ACSF3: variants seen among roughly 807,000 people sequenced by gnomAD.
ACSF3 encodes acyl-CoA synthetase family member 3.
ACSF3 carries 78 observed loss-of-function variants against 53.2 expected under a neutral mutation model. The observed-to-expected ratio is 1.47, with a 90% CI of 1.22 to 1.77. The LOEUF is 1.77. Ranked by LOEUF, ACSF3 falls within the 40% of genes most tolerant of loss-of-function variation. The probability of loss-of-function intolerance (pLI) is 0.00; values close to 1 mark genes in which losing one functional copy is unlikely to be tolerated. For synonymous variants in ACSF3, 414 were observed against 333.1 expected, an observed-to-expected ratio of 1.24 and a Z score of -2.65; for missense variants, 937 against 771.1, an observed-to-expected ratio of 1.22 and a Z score of -2.55.
chr16:89,120,681 C>G (rs1428731623), intron 6 of ACSF3, 120 bp from the exon 7 acceptor site: 13 of 966,304 alleles, frequency 1.3e-5, no homozygotes, highest in South Asian at 2.6e-5. Flanking sequence ...GTCGCTCCCT[C>G]CACACAGACT....
rs138044073 is a variant in ACSF3 at position 89,151,290 on chromosome 16, G to C, written c.1614-2800G>C. The stretch of plus-strand genomic sequence containing the variant: ...GCAAAGCAAATAGCAGGCCCAAAAG[G>C]CTTCACTGATAAATTATCTCAAACA... On this transcript the variant is annotated intron_variant, in intron 10 of 10. Transcript: ENST00000614302. 310 of 429,560 alleles carry C rather than the reference G, an allele frequency of 7.2e-4. 2 individuals are homozygous for C. The highest frequency in any genetic ancestry group is 5.9e-3 in the African/African-American group (289 of 48,996). 26.6% of individuals were successfully genotyped at this position (429,560 alleles called of 1,614,324 possible).
At position 89,133,251 on chromosome 16, in the gene ACSF3, G is replaced by T. The variant is rs761825392; in HGVS notation, c.1355G>T (p.Trp452Leu). 6.2e-7 allele frequency: 1 copy of T among 1,614,078 alleles called. No homozygotes were observed. The highest frequency in any genetic ancestry group is 1.1e-5 in the South Asian group (1 of 91,086). The change falls in exon 8 of 11, where the codon TGG becomes TTG. Residue 452 changes from tryptophan to leucine, a missense_variant. Coordinates refer to ENST00000614302, the MANE Select transcript of ACSF3 (RefSeq NM_001243279.3). ...ETKSAFTLDG[W>L]FKTGDTVVFK... Reference sequence around the variant, plus strand: ...AAGAGTGCATTCACCCTGGATGGCTGGTTTAAGACAGGTAGGACCCAGCCC... The same window carrying T: ...AAGAGTGCATTCACCCTGGATGGCTTGTTTAAGACAGGTAGGACCCAGCCC...
chr16:89,155,265 C>A lies in ACSF3; in HGVS notation c.*1058C>A, dbSNP rs1008690353. The A allele has an allele frequency of 6.6e-6, 3 of 454,032 alleles. No individual in the cohort carries two copies. Among genetic ancestry groups the A allele is most frequent in the African/African-American group, 4.0e-5 (2 of 50,016 alleles). 28.1% of individuals were successfully genotyped at this position (454,032 alleles called of 1,614,324 possible). ...CCCAGCAGTGTCTGGCCTGAACTTA[C>A]CCAGAACATTCTGCCCCCGGAATGC... On this transcript the variant is annotated 3_prime_UTR_variant, in exon 11 of 11. Transcript: ENST00000614302.
chr16:89,102,607 A>T lies in ACSF3; in HGVS notation c.670A>T (p.Thr224Ser), dbSNP rs1018473735. Residue 224 changes from threonine (T) to serine (S), a missense_variant, in exon 4 of 11, where the codon ACC becomes TCC. Physicochemically the swap from Thr to Ser is moderately conservative, Grantham distance 58. Coordinates refer to ENST00000614302, the MANE Select transcript of ACSF3 (RefSeq NM_001243279.3). ...GCTGTGCTCTCGTCCCCTGCAGGTG[A>T]CCGGGCTGGTCCACAAGTGGGCATG... ...STHQNIRAVV[T>S]GLVHKWAWTK... is the part of the protein sequence containing the mutation. 6.2e-7 allele frequency: 1 copy of T among 1,613,550 alleles called. No individual in the cohort carries two copies. The highest frequency in any genetic ancestry group is 1.1e-5 in the South Asian group (1 of 91,074).
At chr16:89,119,099 C>T (rs112298980) in intron 6 of ACSF3, among the ~76,000 whole-genome samples, 5 of 151,420 alleles carry the variant, frequency 3.3e-5, no homozygotes, top group South Asian at 2.1e-4. Flanking sequence ...CCCTGAAGCT[C>T]TCACGGGCGG....
chr16:89,142,116 C>T (rs1273135258), intron 8 of ACSF3, among the ~76,000 whole-genome samples: 1 of 152,094 alleles, frequency 6.6e-6, no homozygotes, highest in South Asian at 2.1e-4. Flanking sequence ...CAGTGGAAAC[C>T]GTGCGTGCAG....
chr16:89,098,249 A>G (rs145749339), intron 1 of ACSF3, among the ~76,000 whole-genome samples: 129 of 152,364 alleles, frequency 8.5e-4, no homozygotes, highest in African/African-American at 3.0e-3. Flanking sequence ...TGACGGTTTC[A>G]AACTAAGAGC....
intron 8 of ACSF3, among the ~76,000 whole-genome samples, chr16:89,141,991 A>T (rs1911852484): frequency 6.6e-6 from 1 of 152,172 alleles, no homozygotes; most frequent in African/African-American, 2.4e-5. Flanking sequence ...GGAGTCTCAG[A>T]CACAGCCTTT....
chr16:89,148,908 T>C (rs1220552622), intron 10 of ACSF3: 1 of 152,376 alleles, frequency 6.6e-6, no homozygotes, highest in Non-Finnish European at 1.5e-5. Context: ...TCTTGGCGAT[T>C]AATATTCAGC....
At position 89,155,292 on chromosome 16, in the gene ACSF3, C is replaced by T. The variant is rs965492748; in HGVS notation, c.*1085C>T. The T allele has an allele frequency of 2.0e-5, 9 of 453,950 alleles. No individual in the cohort carries two copies. Among genetic ancestry groups the T allele is most frequent in the East Asian group, 6.9e-5 (1 of 14,412 alleles). 28.1% of individuals were successfully genotyped at this position (453,950 alleles called of 1,614,324 possible). On this transcript the variant is annotated 3_prime_UTR_variant, in exon 11 of 11. Transcript: ENST00000614302. Reference sequence around the variant, plus strand: ...CAGAACATTCTGCCCCCGGAATGCACGTCTGAAAGAGTGGCCAGAAACGAG... The same window carrying T: ...CAGAACATTCTGCCCCCGGAATGCATGTCTGAAAGAGTGGCCAGAAACGAG...
At position 89,093,959 on chromosome 16, in the gene ACSF3, G is replaced by T; in HGVS notation, c.-231G>T. 1 of 319,210 alleles carries T rather than the reference G, an allele frequency of 3.1e-6. No homozygotes were observed. Among genetic ancestry groups the T allele is most frequent in the Non-Finnish European group, 6.6e-6 (1 of 152,338 alleles). The allele number at this position is 319,210 out of a possible 1,614,324, so 19.8% of individuals were successfully genotyped here. ...GCGGAGGACGAGGAAGAGTTGTGGC[G>T]AGGCAGATCCTGCCCCGTGGCCGCG... On this transcript the variant is annotated 5_prime_UTR_variant, in exon 1 of 11. Transcript: ENST00000614302.
intron 4 of ACSF3, among the ~76,000 whole-genome samples, chr16:89,106,047 G>A (rs79195040): frequency 6.6e-6 from 1 of 152,174 alleles, no homozygotes; most frequent in African/African-American, 2.4e-5. Flanking sequence ...CTGCCCAGGG[G>A]CATCTGCCAG....
At position 89,101,123 on chromosome 16, in the gene ACSF3, G is replaced by A; in HGVS notation, c.442G>A (p.Ala148Thr). ...CGACTCCCAGAGCTCTGTGGTCCTTGCCAGCCAGGAGTACCTGGAGCTCCT... is the reference window on the plus strand; with the variant it reads ...CGACTCCCAGAGCTCTGTGGTCCTTACCAGCCAGGAGTACCTGGAGCTCCT... Reference protein sequence around the residue: ...ICDSQSSVVLASQEYLELLSP... With the variant: ...ICDSQSSVVLTSQEYLELLSP... Residue 148 changes from alanine to threonine, a missense_variant, in exon 3 of 11, where the codon GCC (alanine) becomes ACC (threonine). Coordinates refer to ENST00000614302, the MANE Select transcript of ACSF3 (RefSeq NM_001243279.3). 6.2e-7 allele frequency: 1 copy of A among 1,614,058 alleles called. No individual in the cohort carries two copies. The highest frequency in any genetic ancestry group is 1.1e-5 in the South Asian group (1 of 91,074).
At chr16:89,114,543 G>A (rs996218646) in intron 6 of ACSF3, 56 bp downstream of exon 6, 14 of 1,602,006 alleles carry the variant, frequency 8.7e-6, no homozygotes, top group Non-Finnish European at 1.1e-5. Flanking sequence ...AGCCCCCCAA[G>A]GTGGGCCAGT....
intron 8 of ACSF3, among the ~76,000 whole-genome samples, chr16:89,140,070 C>G (rs1287045789): frequency 6.6e-6 from 1 of 152,246 alleles, no homozygotes; most frequent in African/African-American, 2.4e-5. Flanking sequence ...TTCAAGAAGC[C>G]TCTTTCACCC....
chr16:89,151,045 C>A (rs973691577), intron 10 of ACSF3: 1 of 1,289,088 alleles, frequency 7.8e-7, no homozygotes, highest in African/African-American at 1.5e-5. Context: ...GAACACCCAA[C>A]CAAGAGGAGA....
chr16:89,153,568 C>T (rs910093486), intron 10 of ACSF3: 1 of 182,176 alleles, frequency 5.5e-6, no homozygotes, highest in African/African-American at 2.4e-5. Context: ...TCTGTGAGGC[C>T]TCTTGCCACA....
chr16:89,112,662 T>A (rs1904304218), intron 5 of ACSF3, among the ~76,000 whole-genome samples: 1 of 152,120 alleles, frequency 6.6e-6, no homozygotes. Context: ...TCTCTATCTC[T>A]CCTGTCTCTC....
intron 7 of ACSF3, among the ~76,000 whole-genome samples, chr16:89,121,568 A>G (rs1906659143): frequency 6.6e-6 from 1 of 152,212 alleles, no homozygotes; most frequent in Non-Finnish European, 1.5e-5. Flanking sequence ...GATTATGGGG[A>G]AATGGAATCT....
Sources: allele counts gnomAD v4.1 joint callset (sites outside exome capture counted in the v4.1 genomes callset), GRCh38; gene constraint gnomAD v4.1.1; transcripts MANE v1.5; gene names NCBI Gene and HGNC (gene_info 2026-07-23, HGNC 2026-07-21).